Variants in MTREX observed in about 807,000 individuals in gnomAD.
MTREX encodes the protein exosome RNA helicase MTR4.
In MTREX, 76 loss-of-function variants were observed where a neutral mutation model predicts 135.4. That is an observed-to-expected ratio of 0.56 (90% CI 0.47 to 0.68). MTREX has a LOEUF of 0.68. Among genes scored for constraint, MTREX ranks in the 30% least tolerant of loss-of-function variants. MTREX has a pLI of 0.00. For synonymous variants in MTREX, 404 were observed against 401.6 expected (o/e 1.01, Z -0.07); for missense variants, 920 against 1,262.1 (o/e 0.73, Z 4.11).
In MTREX at chr5:55,424,772, G is replaced by GAGTC; in HGVS notation, c.*3_*6dup. On this transcript the variant is annotated 3_prime_UTR_variant, in exon 27 of 27. Transcript: ENST00000230640. The stretch of plus-strand genomic sequence containing the variant: ...TGTTTGCTGCCAGCCTCTACTTGTA[G>GAGTC]AGTCAGCTAAAGGAATGTGAGATTT... The GAGTC allele has an allele frequency of 6.8e-6, 11 of 1,607,742 alleles. No homozygotes were observed. Among genetic ancestry groups the GAGTC allele is most frequent in the Non-Finnish European group, 9.4e-6 (11 of 1,174,316 alleles).
In MTREX at chr5:55,308,073, G is replaced by C. The variant is rs1301549596; in HGVS notation, c.60G>C (p.Ala20=). The change falls in exon 1 of 27, where the codon GCG becomes GCC. Residue 20 remains alanine (A), a synonymous_variant. Transcript: ENST00000230640. The stretch of plus-strand genomic sequence containing the variant: ...TGTTCGAGGGCGACTCGACCACTGC[G>C]GCGGGAACCAAAAAAGACAAGGAAA... ...FSVFEGDSTT[A]AGTKKDKEKD... 6.2e-7 allele frequency: 1 copy of C among 1,614,024 alleles called. No individual in the cohort carries two copies. The highest frequency in any genetic ancestry group is 1.3e-5 in the African/African-American group (1 of 75,010).
chr5:55,372,901 TG>T, intron 16 of MTREX, among the ~76,000 whole-genome samples: 1 of 141,216 alleles, frequency 7.1e-6, no homozygotes, highest in Non-Finnish European at 1.5e-5. Context: ...AATGTGTGTG[TG>T]TGTGTGTGTG....
chr5:55,379,160 G>C lies in MTREX; in HGVS notation c.2017G>C (p.Val673Leu). The part of the protein sequence containing the change: ...KNEGDDFGWG[V>L]VVNFSKKSNV... ...TGAAGGAGATGACTTTGGCTGGGGA[G>C]TAGTGGTGAATTTCTCAAAAAAGTC... The change falls in exon 18 of 27, where the codon GTA (valine) becomes CTA (leucine). Residue 673 changes from valine to leucine, a missense_variant. Coordinates refer to ENST00000230640, the MANE Select transcript of MTREX (RefSeq NM_015360.5). The C allele has an allele frequency of 6.2e-7, 1 of 1,609,222 alleles. No homozygotes were observed. Among genetic ancestry groups the C allele is most frequent in the Non-Finnish European group, 8.5e-7 (1 of 1,177,014 alleles).
chr5:55,319,649 G>A (rs959140121), intron 1 of MTREX, among the ~76,000 whole-genome samples: 2 of 152,162 alleles, frequency 1.3e-5, no homozygotes, highest in African/African-American at 2.4e-5. Flanking sequence ...TCCTTAAAAA[G>A]TAAGCTGGTT....
chr5:55,413,753 G>C (rs1750922196), intron 23 of MTREX, among the ~76,000 whole-genome samples: 1 of 152,150 alleles, frequency 6.6e-6, no homozygotes, highest in Non-Finnish European at 1.5e-5. Flanking sequence ...ACTTTATCCT[G>C]AGTTTTCAGT....
At position 55,322,341 on chromosome 5, in the gene MTREX, G is replaced by T. The variant is rs771894180; in HGVS notation, c.149G>T (p.Gly50Val). 1.9e-6 allele frequency: 3 copies of T among 1,601,004 alleles called. No homozygotes were observed. Among genetic ancestry groups the T allele is most frequent in the Non-Finnish European group, 1.7e-6 (2 of 1,175,602 alleles). Residue 50 changes from glycine to valine, a missense_variant, in exon 2 of 27, where the codon GGT (glycine) becomes GTT (valine). This residue lies in a region of MTREX where 136 missense variants were observed against 126.7 expected (regional missense o/e 1.07). Transcript: ENST00000230640. Reference protein sequence around the residue: ...SADKAGKRFDGKLQSESTNNG... With the variant: ...SADKAGKRFDVKLQSESTNNG... Reference sequence around the variant, plus strand: ...TTACTTTTCAGGAAACGTTTTGATGGTAAATTACAATCAGAATCAACTAAT... The same window carrying T: ...TTACTTTTCAGGAAACGTTTTGATGTTAAATTACAATCAGAATCAACTAAT...
In MTREX at chr5:55,378,298, T is replaced by C; in HGVS notation, c.1811-16T>C. ...ATGTATAACCTTTTAATTTTGTACATGTGTTCTATTTACAGAGGTAAAGAA... is the reference window on the plus strand; with the variant it reads ...ATGTATAACCTTTTAATTTTGTACACGTGTTCTATTTACAGAGGTAAAGAA... On this transcript the variant is annotated splice_polypyrimidine_tract_variant and intron_variant, in intron 16 of 26. Coordinates refer to ENST00000230640, the MANE Select transcript of MTREX (RefSeq NM_015360.5). 1 of 1,566,250 alleles carries C rather than the reference T, an allele frequency of 6.4e-7. No homozygotes were observed. Among genetic ancestry groups the C allele is most frequent in the Non-Finnish European group, 8.6e-7 (1 of 1,163,918 alleles).
intron 14 of MTREX, among the ~76,000 whole-genome samples, chr5:55,358,138 T>G (rs1455201975): frequency 2.6e-5 from 4 of 152,098 alleles, no homozygotes; most frequent in Non-Finnish European, 4.4e-5. Flanking sequence ...AGATCAAGAT[T>G]TTGCTGTTTT....
Position 55,320,479 on chromosome 5 carries a change from A to T in MTREX, c.135-1848A>T, listed in dbSNP as rs138450900. 6.3e-3 allele frequency among the ~76,000 whole-genome samples: 956 copies of T among 152,298 alleles called. 15 individuals are homozygous for T. The highest frequency in any genetic ancestry group is 0.022 in the African/African-American group (911 of 41,560). On this transcript the variant is annotated intron_variant, in intron 1 of 26. Coordinates refer to ENST00000230640, the MANE Select transcript of MTREX (RefSeq NM_015360.5). ...TGATCTGCCCGCCTTGGCCTCCCAA[A>T]GTACTGGGATTACAGGCATGAGTCA...
chr5:55,384,020 C>T (rs1750439935), intron 18 of MTREX, among the ~76,000 whole-genome samples: 1 of 152,210 alleles, frequency 6.6e-6, no homozygotes, highest in South Asian at 2.1e-4. Context: ...ATCCTCCCGC[C>T]TTGGTCTCTC....
intron 19 of MTREX, among the ~76,000 whole-genome samples, chr5:55,396,419 A>G (rs1040818397): frequency 3.3e-5 from 5 of 152,180 alleles, no homozygotes; most frequent in East Asian, 1.9e-4. Context: ...TAACATATAC[A>G]TGTATTTGCT....
chr5:55,351,128 C>G, intron 13 of MTREX, 99 bp downstream of exon 13: 2 of 1,330,688 alleles, frequency 1.5e-6, no homozygotes, highest in Non-Finnish European at 1.9e-6. Flanking sequence ...GTGTTTTTAA[C>G]AAGGCTTAAT....
intron 1 of MTREX, among the ~76,000 whole-genome samples, chr5:55,310,289 T>C (rs1749089794): frequency 6.6e-6 from 1 of 152,310 alleles, no homozygotes; most frequent in Middle Eastern, 3.4e-3. Context: ...TACCAACACT[T>C]CTAGCAAGGT....
chr5:55,372,973 A>T lies in MTREX; in HGVS notation c.1811-5341A>T, dbSNP rs907748672. 2.0e-5 allele frequency among the ~76,000 whole-genome samples: 3 copies of T among 149,530 alleles called. No individual in the cohort carries two copies. In the Admixed American group the frequency reaches 2.0e-4, roughly 10 times the overall value. ...CTATGGTTTTTGGCTTATAATTTTT[A>T]TACCCTTTGTTATATATAGTCTTGT... is the stretch of plus-strand genomic sequence containing the variant. On this transcript the variant is annotated intron_variant, in intron 16 of 26. Transcript: ENST00000230640.
chr5:55,386,580 A>G (rs1458554403), intron 18 of MTREX, among the ~76,000 whole-genome samples: 2 of 152,196 alleles, frequency 1.3e-5, no homozygotes, highest in African/African-American at 2.4e-5. Context: ...CCATAATGCT[A>G]TAAGTTGGTT....
chr5:55,311,660 G>C (rs936831845), intron 1 of MTREX, among the ~76,000 whole-genome samples: 1 of 152,188 alleles, frequency 6.6e-6, no homozygotes, highest in East Asian at 1.9e-4. Context: ...TCACGTAGCT[G>C]TTGAGCACTT....
At chr5:55,377,597 C>G (rs1162561977) in intron 16 of MTREX, among the ~76,000 whole-genome samples, 1 of 152,112 alleles carries the variant, frequency 6.6e-6, no homozygotes, top group Non-Finnish European at 1.5e-5. Flanking sequence ...TAATTAATGA[C>G]TAAATACAAG....
intron 1 of MTREX, among the ~76,000 whole-genome samples, chr5:55,320,233 T>G (rs1749265728): frequency 6.6e-6 from 1 of 151,752 alleles, no homozygotes; most frequent in African/African-American, 2.4e-5. Context: ...TTTTTTTTTT[T>G]TTGAGAGGGA....
chr5:55,346,883 T>C (rs1749748540), intron 10 of MTREX, 130 bp from the exon 11 acceptor site: 1 of 679,698 alleles, frequency 1.5e-6, no homozygotes, highest in African/African-American at 1.9e-5. Flanking sequence ...CTAAGAATGC[T>C]TTGTCTAACC....
Sources: allele counts gnomAD v4.1 joint callset (sites outside exome capture counted in the v4.1 genomes callset), GRCh38; gene constraint gnomAD v4.1.1; regional missense constraint gnomAD v4.1.1; transcripts MANE v1.5; gene names NCBI Gene and HGNC (gene_info 2026-07-23, HGNC 2026-07-21).